PRDM9: variants seen among roughly 807,000 people sequenced by gnomAD.
The protein encoded by PRDM9 is PR/SET domain 9.
A neutral mutation model predicts 55.6 loss-of-function variants in PRDM9; 47 were observed. That is an observed-to-expected ratio of 0.85 (90% confidence interval 0.67 to 1.08). The LOEUF (loss-of-function observed/expected upper bound fraction) is 1.08. PRDM9 is among the 50% of genes least tolerant of loss of function. The pLI is 0.00. For synonymous variants in PRDM9, 312 were observed against 375.7 expected, an observed-to-expected ratio of 0.83 and a Z score of 1.96; for missense variants, 867 against 1,040.3, an observed-to-expected ratio of 0.83 and a Z score of 2.29.
At chr5:23,518,700 T>C (rs1422602642) in intron 5 of PRDM9, among the ~76,000 whole-genome samples, 1 of 149,886 alleles carries the variant, frequency 6.7e-6, no homozygotes, top group East Asian at 1.9e-4. Flanking sequence ...TAAAAATATA[T>C]TCTTCTGGAA....
chr5:23,514,993 C>T (rs1419984862), intron 4 of PRDM9, among the ~76,000 whole-genome samples: 2 of 141,286 alleles, frequency 1.4e-5, no homozygotes, highest in Non-Finnish European at 3.0e-5. Context: ...GACAGAGTTT[C>T]GCTCCTGTTG....
intron 4 of PRDM9, among the ~76,000 whole-genome samples, chr5:23,515,957 T>C (rs1301294432): frequency 6.6e-6 from 1 of 152,252 alleles, no homozygotes; most frequent in Non-Finnish European, 1.5e-5. Flanking sequence ...GGCCTTTAAC[T>C]TTATTCTTCT....
intron 4 of PRDM9, among the ~76,000 whole-genome samples, chr5:23,515,120 C>T (rs765418657): frequency 2.0e-5 from 3 of 151,906 alleles, no homozygotes; most frequent in South Asian, 4.1e-4. Flanking sequence ...CATACCACCA[C>T]GCCCAGCTAA....
upstream of PRDM9, chr5:23,507,515 T>A (rs1179714660): frequency 6.6e-6 from 1 of 152,388 alleles, no homozygotes; most frequent in Non-Finnish European, 1.5e-5. Context: ...TAGCGCCTCC[T>A]GACTGCTGAA....
intron 9 of PRDM9, among the ~76,000 whole-genome samples, chr5:23,523,717 A>AGTGAG (rs576429712): frequency 8.5e-5 from 13 of 152,298 alleles, no homozygotes; most frequent in Non-Finnish European, 1.8e-4. Flanking sequence ...CTTGAACAGA[A>AGTGAG]GTGAGCTGCA....
intron 10 of PRDM9, among the ~76,000 whole-genome samples, chr5:23,525,522 A>G (rs1739413640): frequency 6.6e-6 from 1 of 152,204 alleles, no homozygotes; most frequent in East Asian, 1.9e-4. Context: ...AATGGAATCT[A>G]TGCACCTAGT....
intron 8 of PRDM9, 136 bp from the exon 9 acceptor site, chr5:23,523,155 C>A: frequency 8.7e-7 from 1 of 1,145,032 alleles, no homozygotes; most frequent in Non-Finnish European, 1.3e-6. Flanking sequence ...TAGATGATGA[C>A]TAAGGTGCAT....
chr5:23,509,647 G>A, intron 3 of PRDM9, 54 bp downstream of exon 3: 1 of 1,613,132 alleles, frequency 6.2e-7, no homozygotes, highest in South Asian at 1.1e-5. Context: ...ACAGGTCTTT[G>A]GTCCCTATAT....
chr5:23,526,624 A>G lies in PRDM9; in HGVS notation c.1536A>G (p.Leu512=), dbSNP rs1739442264. 15 of 1,614,252 alleles carry G rather than the reference A, an allele frequency of 9.3e-6. No individual in the cohort carries two copies. Among genetic ancestry groups the G allele is most frequent in the Non-Finnish European group, 1.1e-5 (13 of 1,180,048 alleles). ...QKVNPGNTGK[L]FVGVGISRIA... The stretch of plus-strand genomic sequence containing the variant: ...TGAATCCAGGGAACACAGGCAAATT[A>G]TTTGTGGGGGTAGGAATCTCAAGAA... Residue 512 remains leucine (L), a synonymous_variant, in exon 11 of 11, where the codon TTA becomes TTG. Coordinates refer to ENST00000296682, the MANE Select transcript of PRDM9 (RefSeq NM_020227.4).
In PRDM9 at chr5:23,509,453, T is replaced by C; in HGVS notation, c.70-17T>C. 2 of 1,614,162 alleles carry C rather than the reference T, an allele frequency of 1.2e-6. No homozygotes were observed. Among genetic ancestry groups the C allele is most frequent in the Non-Finnish European group, 1.7e-6 (2 of 1,180,020 alleles). ...GTGTACTAGTAAATCACTGATGGAATCTGTTACTTCCTCTAGGTCAAAGAT... is the reference window on the plus strand; with the variant it reads ...GTGTACTAGTAAATCACTGATGGAACCTGTTACTTCCTCTAGGTCAAAGAT... On this transcript the variant is annotated splice_polypyrimidine_tract_variant and intron_variant, in intron 2 of 10. Transcript: ENST00000296682.
rs559670911 is a variant in PRDM9, at chr5:23,522,657, C to G, written c.654C>G (p.Ala218=). 1 of 1,614,098 alleles carries G rather than the reference C, an allele frequency of 6.2e-7. No individual in the cohort carries two copies. The highest frequency in any genetic ancestry group is 1.3e-5 in the African/African-American group (1 of 74,940). ...CQNFFIDSCA[A]HGPPTFVKDS... is the part of the protein sequence containing the mutation. ...ACTTCTTCATTGACAGCTGTGCTGC[C>G]CATGGGCCCCCTACATTTGTAAAGG... The change falls in exon 8 of 11, where the codon GCC becomes GCG. Residue 218 remains alanine (A), a synonymous_variant. Transcript: ENST00000296682.
At chr5:23,509,673 G>C (rs760144356) in intron 3 of PRDM9, 80 bp downstream of exon 3, 18 of 1,607,304 alleles carry the variant, frequency 1.1e-5, no homozygotes, top group Non-Finnish European at 1.5e-5. Context: ...TAGTTCTCAG[G>C]TGGTGGCATC....
intron 5 of PRDM9, 152 bp from the exon 6 acceptor site, chr5:23,520,871 T>C (rs966690318): frequency 2.2e-6 from 2 of 895,156 alleles, no homozygotes; most frequent in African/African-American, 1.7e-5. Context: ...ACTACTCACT[T>C]AGACCTTCTC....
At position 23,528,000 on chromosome 5, in the gene PRDM9, G is replaced by A. The variant is rs1579598397; in HGVS notation, c.*227G>A. The A allele has an allele frequency of 2.0e-5, 13 of 665,666 alleles. No individual in the cohort carries two copies. The highest frequency in any genetic ancestry group is 1.3e-4 in the African/African-American group (7 of 55,358). 41.2% of individuals were successfully genotyped at this position (665,666 alleles called of 1,614,324 possible). On this transcript the variant is annotated 3_prime_UTR_variant, in exon 11 of 11. Transcript: ENST00000296682. Reference sequence around the variant, plus strand: ...TTCTGTAAGTGTTCGGGGGACATCAGCATGTGTGGTTCTTTCCCGCACTGA... The same window carrying A: ...TTCTGTAAGTGTTCGGGGGACATCAACATGTGTGGTTCTTTCCCGCACTGA...
At chr5:23,524,275 G>A in intron 9 of PRDM9, 59 bp from the exon 10 acceptor site, 1 of 1,580,960 alleles carries the variant, frequency 6.3e-7, no homozygotes, top group South Asian at 1.1e-5. Flanking sequence ...GGCCATACCT[G>A]GATCTGATAC....
intron 5 of PRDM9, among the ~76,000 whole-genome samples, chr5:23,518,516 TAGAC>T (rs1739263459): frequency 6.6e-6 from 1 of 152,178 alleles, no homozygotes; most frequent in Non-Finnish European, 1.5e-5. Context: ...TCCAAGTAAA[TAGAC>T]AGTTCATACT....
rs558940184 is a variant in PRDM9, at chr5:23,516,696, A to G, written c.302-1185A>G. ...CCGAATTCATGTATTACTTCTAACAATTTTTTGGTAAAAATCTTTATAGTT... is the reference window on the plus strand; with the variant it reads ...CCGAATTCATGTATTACTTCTAACAGTTTTTTGGTAAAAATCTTTATAGTT... On this transcript the variant is annotated intron_variant, in intron 4 of 10. Coordinates refer to ENST00000296682, the MANE Select transcript of PRDM9 (RefSeq NM_020227.4). Among the ~76,000 whole-genome samples, 23 of 144,344 alleles carry G rather than the reference A, an allele frequency of 1.6e-4. No individual in the cohort carries two copies. The South Asian group carries it at 4.3e-3, about 27-fold the overall frequency. The allele number at this position is 144,344 out of a possible 152,430, so 94.7% of individuals were successfully genotyped here. A position where few individuals can be genotyped will look rare whatever the true frequency, so the allele number is the denominator to read the frequency against.
rs770997318 is a variant in PRDM9 at position 23,526,636 on chromosome 5, A to G, written c.1548A>G (p.Val516=). Residue 516 remains valine (V), a synonymous_variant, in exon 11 of 11, where the codon GTA becomes GTG. Transcript: ENST00000296682. ...PGNTGKLFVG[V]GISRIAKVKY... ...ACACAGGCAAATTATTTGTGGGGGTAGGAATCTCAAGAATTGCAAAAGTCA... is the reference window on the plus strand; with the variant it reads ...ACACAGGCAAATTATTTGTGGGGGTGGGAATCTCAAGAATTGCAAAAGTCA... The G allele has an allele frequency of 2.5e-6, 4 of 1,614,132 alleles. No individual in the cohort carries two copies. The highest frequency in any genetic ancestry group is 3.4e-6 in the Non-Finnish European group (4 of 1,180,060).
chr5:23,521,105 C>G lies in PRDM9; in HGVS notation c.434C>G (p.Ser145Ter). The G allele has an allele frequency of 6.2e-7, 1 of 1,614,156 alleles. No homozygotes were observed. The highest frequency in any genetic ancestry group is 1.1e-5 in the South Asian group (1 of 91,082). The part of the protein sequence containing the change: ...RTANLLNASG[S>*]EQAQKPVSPS... ...GCAAATTTACTGAATGCAAGTGGCT[C>G]AGAGCAGGCTCAGAAACCAGTGTCC... Residue 145 changes from serine to a stop codon, truncating the protein, a stop_gained, in exon 6 of 11, where the codon TCA (serine) becomes TGA (stop). Transcript: ENST00000296682. LOFTEE classifies it high-confidence loss of function.
Sources: allele counts gnomAD v4.1 joint callset (sites outside exome capture counted in the v4.1 genomes callset), GRCh38; gene constraint gnomAD v4.1.1; transcripts MANE v1.5; gene names NCBI Gene and HGNC (gene_info 2026-07-23, HGNC 2026-07-21).